CELF2: variants seen among roughly 807,000 people sequenced by gnomAD.
CELF2 encodes CUG triplet repeat RNA-binding protein 2.
In CELF2, 8 loss-of-function variants were observed where a neutral mutation model predicts 62.6. That is an observed-to-expected ratio of 0.13 (90% CI 0.07 to 0.23). The LOEUF (loss-of-function observed/expected upper bound fraction) is 0.23, where lower values mean the gene tolerates loss of function less well. CELF2 is among the 10% of genes least tolerant of loss of function. CELF2 has a pLI of 1.00. For synonymous variants in CELF2, 258 were observed against 250.0 expected, an observed-to-expected ratio of 1.03 and a Z score of -0.30; for missense variants, 333 against 671.0, an observed-to-expected ratio of 0.50 and a Z score of 5.56.
chr10:10,866,310 G>A (rs988507302), intron 1 of CELF2, among the ~76,000 whole-genome samples: 6 of 151,648 alleles, frequency 4.0e-5, no homozygotes, highest in African/African-American at 1.2e-4. Flanking sequence ...GAGGCTTTAC[G>A]AGTAAGAAAT....
At chr10:10,533,873 T>C in the CELF2 span, among the ~76,000 whole-genome samples, 72,599 of 152,004 alleles carry the variant, frequency 0.48, 18,422 homozygotes, top group South Asian at 0.66. Context: ...TGGAAGTCAC[T>C]GGCGGATAAT....
intron 2 of CELF2, among the ~76,000 whole-genome samples, chr10:10,971,418 T>C (rs912130696): frequency 6.6e-6 from 1 of 152,214 alleles, no homozygotes; most frequent in Non-Finnish European, 1.5e-5. Context: ...ACTTGCTTTT[T>C]CTATCCAGCC....
At position 10,948,380 on chromosome 10, in the gene CELF2, G is replaced by T. The variant is rs139620514; in HGVS notation, c.89+28381G>T. The stretch of plus-strand genomic sequence containing the variant: ...CTAGCCTCAGGAGCATGTCCTCTGA[G>T]CTAGGCCCAGAGCGCCCTGCTCTGG... On this transcript the variant is annotated intron_variant, in intron 2 of 13. Transcript: ENST00000636488. 3 of 152,286 alleles carry T rather than the reference G, an allele frequency of 2.0e-5. No individual in the cohort carries two copies. The East Asian group carries it at 5.8e-4, about 29-fold the overall frequency. 9.4% of individuals were successfully genotyped at this position (152,286 alleles called of 1,614,324 possible).
At chr10:10,731,849 GA>G in the CELF2 span, among the ~76,000 whole-genome samples, 6 of 152,142 alleles carry the variant, frequency 3.9e-5, no homozygotes, top group Non-Finnish European at 8.8e-5. Context: ...CCAGACTGTG[GA>G]AAAGTGAGTC....
chr10:11,135,139 C>T (rs1219874984), intron 1 of CELF2, among the ~76,000 whole-genome samples: 1 of 152,200 alleles, frequency 6.6e-6, no homozygotes, highest in Non-Finnish European at 1.5e-5. Flanking sequence ...CTGTGTTTTT[C>T]CTCCTGAGAA....
At position 10,934,912 on chromosome 10, in the gene CELF2, G is replaced by A. The variant is rs971647757; in HGVS notation, c.89+14913G>A. On this transcript the variant is annotated intron_variant, in intron 2 of 13. Coordinates refer to the CELF2 transcript ENST00000636488. This position sits in a 1 kb window ranked among gnomAD's most constrained non-coding sequence, Gnocchi z 4.4. Reference sequence around the variant, plus strand: ...TGCAAATTTGATAGAGATTCCTTAAGAAAAAATAATGTTACTGCAGAGATA... The same window carrying A: ...TGCAAATTTGATAGAGATTCCTTAAAAAAAAATAATGTTACTGCAGAGATA... The A allele has an allele frequency of 3.9e-5, 6 of 152,242 alleles. No individual in the cohort carries two copies. The East Asian group carries it at 1.2e-3, about 29-fold the overall frequency. 9.4% of individuals were successfully genotyped at this position (152,242 alleles called of 1,614,324 possible).
intron 2 of CELF2, among the ~76,000 whole-genome samples, chr10:10,982,980 G>A (rs1329688446): frequency 6.6e-6 from 1 of 151,882 alleles, no homozygotes; most frequent in Admixed American, 6.6e-5. Context: ...TGTCAAAAAG[G>A]ATGTTGTCAA....
the CELF2 span, among the ~76,000 whole-genome samples, chr10:10,534,238 AAAAG>A: frequency 1.3e-5 from 2 of 151,740 alleles, no homozygotes; most frequent in Non-Finnish European, 1.5e-5. Context: ...AAGAAAAAGA[AAAAG>A]AGAGAGACAG....
chr10:10,567,498 C>T, the CELF2 span, among the ~76,000 whole-genome samples: 1,430 of 152,102 alleles, frequency 9.4e-3, 14 homozygotes, highest in Non-Finnish European at 0.016. Flanking sequence ...CAGAATGGGG[C>T]GGGAAAATAA....
intron 8 of CELF2, among the ~76,000 whole-genome samples, chr10:11,275,437 A>G (rs1488206948): frequency 6.6e-6 from 1 of 152,328 alleles, no homozygotes; most frequent in East Asian, 1.9e-4. Flanking sequence ...AAGATTGATT[A>G]CTGGGGGCTT....
At chr10:11,095,018 A>G (rs2049403707) in intron 1 of CELF2, among the ~76,000 whole-genome samples, 1 of 152,096 alleles carries the variant, frequency 6.6e-6, no homozygotes, top group Non-Finnish European at 1.5e-5. Context: ...ACTGGATTCG[A>G]TTTGCTTTTG....
intron 2 of CELF2, among the ~76,000 whole-genome samples, chr10:10,953,817 G>T (rs1239845226): frequency 9.0e-6 from 1 of 110,536 alleles, no homozygotes; most frequent in Non-Finnish European, 1.9e-5. Flanking sequence ...CACAAGCAAA[G>T]TAAAAAAAAA....
rs566536944 is a variant in CELF2, at chr10:10,938,660, A to G, written c.89+18661A>G. Among the ~76,000 whole-genome samples the G allele has an allele frequency of 6.6e-6, 1 of 152,220 alleles. No individual in the cohort carries two copies. Among genetic ancestry groups the G allele is most frequent in the South Asian group, 2.1e-4 (1 of 4,822 alleles). Reference sequence around the variant, plus strand: ...GTCTCCCAAGTGAGTTTGTAGGTTCACTGAATTTCCCCAAAGAAGATCCTG... The same window carrying G: ...GTCTCCCAAGTGAGTTTGTAGGTTCGCTGAATTTCCCCAAAGAAGATCCTG... On this transcript the variant is annotated intron_variant, in intron 2 of 13. Coordinates refer to the CELF2 transcript ENST00000636488. The surrounding 1 kb of genome is among the most constrained non-coding windows in gnomAD (Gnocchi z 4.2).
chr10:11,128,591 ACATCCCTTGTAATTT>A (rs2059112653), intron 1 of CELF2, among the ~76,000 whole-genome samples: 2 of 152,142 alleles, frequency 1.3e-5, no homozygotes, highest in African/African-American at 4.8e-5. Context: ...GAGGTCCTTC[ACATCCCTTGTAATTT>A]GGATTCTTAG....
chr10:10,638,547 G>A, the CELF2 span, among the ~76,000 whole-genome samples: 1 of 152,138 alleles, frequency 6.6e-6, no homozygotes, highest in Non-Finnish European at 1.5e-5. Context: ...AGGAAACATT[G>A]TAAAGAAACA....
In CELF2 at chr10:10,972,609, A is replaced by G. The variant is rs370573349; in HGVS notation, c.89+52610A>G. Among the ~76,000 whole-genome samples, 15 of 152,180 alleles carry G rather than the reference A, an allele frequency of 9.9e-5. No homozygotes were observed. The highest frequency in any genetic ancestry group is 9.2e-4 in the Admixed American group (14 of 15,274). ...GGGTTCAACCGTCTTCTACATATTG[A>G]TGATTCTCAGTCCCGGTCTCCATGA... On this transcript the variant is annotated intron_variant, in intron 2 of 13. Coordinates refer to the CELF2 transcript ENST00000636488. The surrounding 1 kb of genome is among the most constrained non-coding windows in gnomAD (Gnocchi z 4.4).
At chr10:10,852,079 G>T (rs984844882) in intron 1 of CELF2, among the ~76,000 whole-genome samples, 1 of 152,186 alleles carries the variant, frequency 6.6e-6, no homozygotes, top group Non-Finnish European at 1.5e-5. Context: ...ATCATATGAT[G>T]TAACCATTTA....
rs942111116 is a variant in CELF2, at chr10:11,220,121, C to A, written c.354+2614C>A. On this transcript the variant is annotated intron_variant, in intron 3 of 12. Coordinates refer to ENST00000633077, the MANE Select transcript of CELF2 (RefSeq NM_001326342.2). The surrounding 1 kb of genome is among the most constrained non-coding windows in gnomAD (Gnocchi z 4.4). ...TACATCACCAGCTGACACTTTAAAG[C>A]TTTTCTGGTTGTAATCATTTTCCTG... 1.3e-5 allele frequency among the ~76,000 whole-genome samples: 2 copies of A among 152,132 alleles called. No homozygotes were observed. Among genetic ancestry groups the A allele is most frequent in the African/African-American group, 4.8e-5 (2 of 41,412 alleles).
chr10:11,224,954 G>T lies in CELF2; in HGVS notation c.354+7447G>T, dbSNP rs2136165025. Among the ~76,000 whole-genome samples, 1 of 152,270 alleles carries T rather than the reference G, an allele frequency of 6.6e-6. No homozygotes were observed. Among genetic ancestry groups the T allele is most frequent in the Non-Finnish European group, 1.5e-5 (1 of 68,004 alleles). ...GTCAGGGCTCTGCCGGATATGGTCT[G>T]GTTTGTGCAGGGAAGCGCGCTGGAC... On this transcript the variant is annotated intron_variant, in intron 3 of 12. Coordinates refer to ENST00000633077, the MANE Select transcript of CELF2 (RefSeq NM_001326342.2). The surrounding 1 kb of genome is among the most constrained non-coding windows in gnomAD (Gnocchi z 4.5).
Sources: allele counts gnomAD v4.1 joint callset (sites outside exome capture counted in the v4.1 genomes callset), GRCh38; gene constraint gnomAD v4.1.1; non-coding constraint Gnocchi (gnomAD v3.1); transcripts MANE v1.5; gene names NCBI Gene and HGNC (gene_info 2026-07-23, HGNC 2026-07-21).